MED16: variants seen among roughly 807,000 people sequenced by gnomAD.
MED16 encodes mediator complex subunit 16.
In MED16, 81 loss-of-function variants were observed where a neutral mutation model predicts 84.4. The observed-to-expected ratio is 0.96, with a 90% confidence interval of 0.80 to 1.15. MED16 has a LOEUF of 1.15. MED16 is among the 50% of genes most tolerant of loss of function. The pLI is 0.00. For missense variants in MED16, 1,585 were observed against 1,245.9 expected (o/e 1.27, Z -4.10); for synonymous variants, 897 against 552.2 (o/e 1.62, Z -8.76).
rs1442125732 is a variant in MED16, at chr19:880,024, G to T, written c.1266C>A (p.Pro422=). The part of the protein sequence containing the change: ...RPVDEPAMKR[P]RTAGPAVHLK... ...AGTGGACGGCGGGGCCCGCGGTGCG[G>T]GGGCGCTTCATGGCCGGCTCATCCA... Residue 422 remains proline, a synonymous_variant, in exon 8 of 16, where the codon CCC becomes CCA. Transcript: ENST00000325464. 5.6e-6 allele frequency: 9 copies of T among 1,610,672 alleles called. No homozygotes were observed. In the Admixed American group the frequency reaches 1.5e-4, roughly 27 times the overall value.
At chr19:889,845 A>C (rs1568333840) in intron 3 of MED16, 38 bp from the exon 4 acceptor site, 1 of 1,582,330 alleles carries the variant, frequency 6.3e-7, no homozygotes, top group Admixed American at 1.8e-5. Flanking sequence ...CCTTCCAGGG[A>C]TGGGCAGAGC....
chr19:884,862 G>A lies in MED16; in HGVS notation c.985+41C>T, dbSNP rs372383079. On this transcript the variant is annotated intron_variant, in intron 6 of 15. Transcript: ENST00000325464. ...TCCAAAATAAAAACCAACCGCCCCCGAGGGCAGGCCCAGGGCCTCCGCAGC... is the reference window on the plus strand; with the variant it reads ...TCCAAAATAAAAACCAACCGCCCCCAAGGGCAGGCCCAGGGCCTCCGCAGC... 1.7e-5 allele frequency: 26 copies of A among 1,524,384 alleles called. No homozygotes were observed. The Middle Eastern group carries it at 6.7e-4, about 39-fold the overall frequency. The allele number at this position is 1,524,384 out of a possible 1,614,324, so 94.4% of individuals were successfully genotyped here.
At chr19:873,262 G>C (rs1373710750) in intron 11 of MED16, among the ~76,000 whole-genome samples, 187 bp downstream of exon 11, 1 of 142,402 alleles carries the variant, frequency 7.0e-6, no homozygotes, top group East Asian at 2.2e-4. Flanking sequence ...CTCCAACCAG[G>C]GGCGGGGCTG....
intron 15 of MED16, 30 bp from the exon 16 acceptor site, chr19:868,281 G>A (rs201452972): frequency 2.3e-5 from 36 of 1,589,494 alleles, no homozygotes; most frequent in South Asian, 5.6e-5. Flanking sequence ...TAACCGCGCC[G>A]AGGAGAGTCC....
Position 884,898 on chromosome 19 carries a change from C to T in MED16, c.985+5G>A, listed in dbSNP as rs373315881. ...CAGGGCCTCCGCAGCCGGCGGGAGA[C>T]TCACCCACGGGGGAGATCTGCTGGA... On this transcript the variant is annotated splice_donor_5th_base_variant and intron_variant, in intron 6 of 15. Transcript: ENST00000325464. 77 of 1,602,552 alleles carry T rather than the reference C, an allele frequency of 4.8e-5. No individual in the cohort carries two copies. Among genetic ancestry groups the T allele is most frequent in the Admixed American group, 3.4e-5 (2 of 58,996 alleles).
Position 868,887 on chromosome 19 carries a change from G to T in MED16, c.2375C>A (p.Thr792Lys). The change falls in exon 14 of 16, where the codon ACG becomes AAG. Residue 792 changes from threonine (T) to lysine (K), a missense_variant. Coordinates refer to ENST00000325464, the MANE Select transcript of MED16 (RefSeq NM_005481.3). The stretch of plus-strand genomic sequence containing the variant: ...CCTGGTGCAGGCCTTGCATTCCTCC[G>T]TGGGGCAAGCGCCAAGGTGCAGCCT... ...LRRLHLGACP[T>K]EECKACTRCG... 6.4e-7 allele frequency: 1 copy of T among 1,551,830 alleles called. No homozygotes were observed.
At position 885,496 on chromosome 19, in the gene MED16, G is replaced by GA. The variant is rs1306159901; in HGVS notation, c.879+273dup. 2.0e-5 allele frequency among the ~76,000 whole-genome samples: 3 copies of GA among 152,098 alleles called. 1 individual carries two copies. The highest frequency in any genetic ancestry group is 2.0e-4 in the Admixed American group (3 of 15,266). ...CCCAGTGTCCTCACAGGGTCCTCAG[G>GA]AGAGAATGTGGGAGGTTGAGATTCA... On this transcript the variant is annotated intron_variant, in intron 5 of 15. Coordinates refer to ENST00000325464, the MANE Select transcript of MED16 (RefSeq NM_005481.3).
chr19:892,987 C>A (rs1004410778), intron 1 of MED16, 99 bp downstream of exon 1: 3 of 151,956 alleles, frequency 2.0e-5, no homozygotes, highest in African/African-American at 7.3e-5. Flanking sequence ...CGCCCCCGAC[C>A]CCGCAGGCCC....
chr19:882,971 G>A (rs1005485555), intron 6 of MED16, among the ~76,000 whole-genome samples: 9 of 152,328 alleles, frequency 5.9e-5, no homozygotes, highest in Admixed American at 2.6e-4. Context: ...AGGGGTGGCT[G>A]GCCCTCATGG....
intron 13 of MED16, 63 bp from the exon 14 acceptor site, chr19:869,009 G>C (rs958680993): frequency 2.1e-6 from 3 of 1,416,608 alleles, no homozygotes; most frequent in Non-Finnish European, 1.9e-6. Flanking sequence ...TCCGGCAGGG[G>C]CATCTGTCCA....
intron 13 of MED16, 35 bp downstream of exon 13, chr19:871,001 TC>T: frequency 6.6e-7 from 1 of 1,511,534 alleles, no homozygotes; most frequent in Non-Finnish European, 8.9e-7. Flanking sequence ...GAGGAAGGAG[TC>T]CTGTGTTTGG....
intron 11 of MED16, 89 bp downstream of exon 11, chr19:873,360 G>T: frequency 1.5e-6 from 2 of 1,341,430 alleles, no homozygotes; most frequent in Non-Finnish European, 2.0e-6. Flanking sequence ...GGGCTGAGGT[G>T]GTTTTGAGGG....
In MED16 at chr19:889,759, C is replaced by A. The variant is rs2036595857; in HGVS notation, c.326G>T (p.Ser109Ile). Reference protein sequence around the residue: ...ADADGQIKCWSMADHLANSWE... With the variant: ...ADADGQIKCWIMADHLANSWE... ...GCTATTAGCCAGGTGGTCCGCCATG[C>A]TCCAGCACTTGATCTGCCCGTCGGC... Residue 109 changes from serine to isoleucine, a missense_variant, in exon 4 of 16, where the codon AGC becomes ATC. Ser to Ile is a moderately radical substitution (Grantham distance 142, BLOSUM62 -2). Transcript: ENST00000325464. 1 of 1,613,422 alleles carries A rather than the reference C, an allele frequency of 6.2e-7. No individual in the cohort carries two copies. The highest frequency in any genetic ancestry group is 8.5e-7 in the Non-Finnish European group (1 of 1,179,846).
At chr19:885,742 G>A (rs1284931521) in intron 5 of MED16, 28 bp downstream of exon 5, 1 of 1,594,264 alleles carries the variant, frequency 6.3e-7, no homozygotes, top group East Asian at 2.2e-5. Context: ...AAGCCTGCCA[G>A]CCCACGTGAT....
intron 5 of MED16, 47 bp downstream of exon 5, chr19:885,723 C>G (rs1422961949): frequency 6.3e-7 from 1 of 1,582,522 alleles, no homozygotes; most frequent in South Asian, 1.1e-5. Flanking sequence ...AGAAGCAGTG[C>G]TTCATTCCAA....
rs775715714 is a variant in MED16, at chr19:868,959, G to A, written c.2316-13C>T. The stretch of plus-strand genomic sequence containing the variant: ...CTGGCCTGGGGCCCTGGCGGGAGAG[G>A]GGAGAACGTGAGGGAGGCCTGGGCA... On this transcript the variant is annotated splice_polypyrimidine_tract_variant and intron_variant, in intron 13 of 15. Coordinates refer to ENST00000325464, the MANE Select transcript of MED16 (RefSeq NM_005481.3). 19 of 1,532,090 alleles carry A rather than the reference G, an allele frequency of 1.2e-5. No homozygotes were observed. In the Admixed American group the frequency reaches 1.9e-4, roughly 15 times the overall value. 94.9% of individuals were successfully genotyped at this position (1,532,090 alleles called of 1,614,324 possible).
intron 8 of MED16, among the ~76,000 whole-genome samples, chr19:879,379 C>G (rs1182497091): frequency 1.2e-4 from 16 of 128,678 alleles, no homozygotes; most frequent in African/African-American, 4.1e-4. Context: ...CAGCCCCAGC[C>G]GCACATGCCC....
At chr19:873,975 G>A (rs566679980) in intron 10 of MED16, among the ~76,000 whole-genome samples, 33 of 152,166 alleles carry the variant, frequency 2.2e-4, no homozygotes, top group African/African-American at 5.6e-4. Flanking sequence ...GGCAGCTGGC[G>A]GCGGTTACAC....
intron 9 of MED16, among the ~76,000 whole-genome samples, chr19:876,273 T>A (rs1310474485): frequency 6.6e-6 from 1 of 152,078 alleles, no homozygotes; most frequent in African/African-American, 2.4e-5. Context: ...CACTCTGGGA[T>A]TGCAGGCACA....
Sources: allele counts gnomAD v4.1 joint callset (sites outside exome capture counted in the v4.1 genomes callset), GRCh38; gene constraint gnomAD v4.1.1; transcripts MANE v1.5; gene names NCBI Gene and HGNC (gene_info 2026-07-23, HGNC 2026-07-21).